Variants in KATNAL2 observed in about 807,000 individuals in gnomAD.
KATNAL2 encodes the protein katanin p60 ATPase-containing subunit A-like 2.
Under a neutral mutation model 76.3 loss-of-function variants are expected in KATNAL2, and 52 were observed. That is an observed-to-expected ratio of 0.68 (90% CI 0.55 to 0.86). The LOEUF (loss-of-function observed/expected upper bound fraction) is 0.86, where lower values mean the gene tolerates loss of function less well. KATNAL2 is among the 40% of genes least tolerant of loss of function. KATNAL2 has a pLI of 0.00. For synonymous variants in KATNAL2, 243 were observed against 244.2 expected (o/e 1.00, Z 0.05); for missense variants, 660 against 668.9 (o/e 0.99, Z 0.15).
intron 1 of KATNAL2, among the ~76,000 whole-genome samples, chr18:46,942,613 C>A (rs917388400): frequency 6.6e-6 from 1 of 151,182 alleles, no homozygotes; most frequent in African/African-American, 2.4e-5. Flanking sequence ...GAGCAAGACT[C>A]CATCTCAAAC....
intron 4 of KATNAL2, among the ~76,000 whole-genome samples, chr18:47,052,576 T>C (rs1171131879): frequency 1.3e-5 from 2 of 152,244 alleles, no homozygotes; most frequent in Admixed American, 6.5e-5. Flanking sequence ...AATCACAAGA[T>C]GTTTCTTGGT....
At position 46,923,784 on chromosome 18, in the gene KATNAL2, G is replaced by A. The variant is rs1599295327; in HGVS notation, c.-510+5858G>A. Among the ~76,000 whole-genome samples, 3 of 152,298 alleles carry A rather than the reference G, an allele frequency of 2.0e-5. No individual in the cohort carries two copies. The South Asian group carries it at 6.2e-4, about 32-fold the overall frequency. ...TCGACATTCTAACTGGTGGGAGATGGTATCTCATTGTGGTTTTGATTTGTA... is the reference window on the plus strand; with the variant it reads ...TCGACATTCTAACTGGTGGGAGATGATATCTCATTGTGGTTTTGATTTGTA... On this transcript the variant is annotated intron_variant, in intron 1 of 17. Coordinates refer to ENST00000683218, the MANE Select transcript of KATNAL2 (RefSeq NM_001387690.1).
intron 1 of KATNAL2, among the ~76,000 whole-genome samples, chr18:46,945,288 C>A (rs574647286): frequency 1.3e-5 from 2 of 152,292 alleles, no homozygotes; most frequent in African/African-American, 4.8e-5. Context: ...GTTGTGGAAT[C>A]AGGAACTAAT....
chr18:46,949,650 A>C (rs950313557), intron 3 of KATNAL2, among the ~76,000 whole-genome samples: 2 of 152,192 alleles, frequency 1.3e-5, no homozygotes, highest in African/African-American at 4.8e-5. Context: ...CGATTGCTCA[A>C]ATCGTAATTC....
Position 47,069,268 on chromosome 18 carries a change from C to T in KATNAL2, c.874C>T (p.Leu292=), listed in dbSNP as rs780523669. ...GILSPWKGLL[L]YGPPGTGKTL... is the part of the protein sequence containing the mutation. ...TCTTTCTCCCTGGAAAGGACTACTG[C>T]TGTACGGCCCTCCAGGTAAACACAG... is the stretch of plus-strand genomic sequence containing the variant. Residue 292 remains leucine (L), a synonymous_variant, in exon 12 of 18, where the codon CTG becomes TTG. Coordinates refer to ENST00000683218, the MANE Select transcript of KATNAL2 (RefSeq NM_001387690.1). The T allele has an allele frequency of 6.2e-7, 1 of 1,610,166 alleles. No individual in the cohort carries two copies. The highest frequency in any genetic ancestry group is 1.7e-5 in the Admixed American group (1 of 59,112).
chr18:47,034,345 C>T (rs369739936), intron 3 of KATNAL2: 53 of 1,613,470 alleles, frequency 3.3e-5, no homozygotes, highest in Non-Finnish European at 4.2e-5. Context: ...GTGCTGAGGC[C>T]TCTTCTGGTG....
At chr18:47,058,940 G>A (rs2061548967) in intron 7 of KATNAL2, among the ~76,000 whole-genome samples, 1 of 152,248 alleles carries the variant, frequency 6.6e-6, no homozygotes, top group East Asian at 1.9e-4. Flanking sequence ...CCTGACTCAG[G>A]AGGCTCATGT....
At chr18:47,054,820 C>T (rs1315402986) in intron 6 of KATNAL2, among the ~76,000 whole-genome samples, 1 of 152,072 alleles carries the variant, frequency 6.6e-6, no homozygotes, top group Non-Finnish European at 1.5e-5. Flanking sequence ...TAATATTTTC[C>T]CTCTTTTCAT....
chr18:46,926,594 A>G (rs1445458862), intron 1 of KATNAL2, among the ~76,000 whole-genome samples: 3 of 152,158 alleles, frequency 2.0e-5, no homozygotes, highest in Admixed American at 1.3e-4. Flanking sequence ...GTAGATGTCT[A>G]TTAGGTCCGC....
In KATNAL2 at chr18:47,101,099, A is replaced by G; in HGVS notation, c.*94A>G. 1 of 1,411,134 alleles carries G rather than the reference A, an allele frequency of 7.1e-7. No homozygotes were observed. 87.4% of individuals were successfully genotyped at this position (1,411,134 alleles called of 1,614,324 possible). Reference sequence around the variant, plus strand: ...GAGAACAAAATGATTGGAATGGAAAAGAGAAAATTATTTTTGAAGACTGGA... The same window carrying G: ...GAGAACAAAATGATTGGAATGGAAAGGAGAAAATTATTTTTGAAGACTGGA... On this transcript the variant is annotated 3_prime_UTR_variant, in exon 18 of 18. Transcript: ENST00000683218.
intron 3 of KATNAL2, among the ~76,000 whole-genome samples, chr18:46,960,052 G>T (rs530767167): frequency 6.6e-6 from 1 of 152,300 alleles, no homozygotes; most frequent in Non-Finnish European, 1.5e-5. Context: ...CTCTTTTCAA[G>T]CATTGGATTA....
At chr18:46,942,067 T>C (rs189722282) in intron 1 of KATNAL2, among the ~76,000 whole-genome samples, 39 of 152,248 alleles carry the variant, frequency 2.6e-4, no homozygotes, top group Admixed American at 8.5e-4. Flanking sequence ...GTAATCGGAA[T>C]GAGTCAAGGT....
intron 1 of KATNAL2, among the ~76,000 whole-genome samples, chr18:46,932,786 A>C (rs1282287328): frequency 6.6e-6 from 1 of 151,018 alleles, no homozygotes; most frequent in Non-Finnish European, 1.5e-5. Flanking sequence ...TTGTTTTGAG[A>C]CAGAGTCTTG....
rs150908737 is a variant in KATNAL2 at position 47,099,000 on chromosome 18, CTTCT to C, written c.1212-242_1212-239del. On this transcript the variant is annotated intron_variant, in intron 15 of 17. Transcript: ENST00000683218. ...CTTTTCTTCCATTCATCCTTCCTTCCTTCTCTTTCTTCTCCTTCCTTTCTGCTTT... is the reference window on the plus strand; with the variant it reads ...CTTTTCTTCCATTCATCCTTCCTTCCCTTTCTTCTCCTTCCTTTCTGCTTT... 1,929 of 367,806 alleles carry C rather than the reference CTTCT, an allele frequency of 5.2e-3. 9 individuals are homozygous for C. Among genetic ancestry groups the C allele is most frequent in the Non-Finnish European group, 6.3e-3 (1,285 of 205,294 alleles). 22.8% of individuals were successfully genotyped at this position (367,806 alleles called of 1,614,324 possible). A position where few individuals can be genotyped will look rare whatever the true frequency, so the allele number is the denominator to read the frequency against.
intron 1 of KATNAL2, among the ~76,000 whole-genome samples, chr18:46,932,956 T>C (rs1028318034): frequency 1.3e-5 from 2 of 151,930 alleles, no homozygotes; most frequent in Admixed American, 1.3e-4. Flanking sequence ...AGAGACAGGG[T>C]TTCACTATGT....
intron 1 of KATNAL2, among the ~76,000 whole-genome samples, chr18:46,918,371 T>A (rs916208408): frequency 1.3e-5 from 2 of 152,192 alleles, no homozygotes; most frequent in South Asian, 2.1e-4. Flanking sequence ...ATCAGCCTCC[T>A]ACCTACCGCC....
intron 3 of KATNAL2, among the ~76,000 whole-genome samples, chr18:47,041,419 C>G (rs922117506): frequency 6.6e-6 from 1 of 152,110 alleles, no homozygotes; most frequent in Non-Finnish European, 1.5e-5. Flanking sequence ...ATAGTTTTGC[C>G]TTTTCCAGAA....
At chr18:46,954,854 T>C (rs999810422) in intron 3 of KATNAL2, among the ~76,000 whole-genome samples, 11 of 152,070 alleles carry the variant, frequency 7.2e-5, no homozygotes, top group African/African-American at 2.4e-4. Flanking sequence ...GGTTTCAACA[T>C]GTTGACCAGG....
chr18:46,954,702 G>T (rs1221644085), intron 3 of KATNAL2, among the ~76,000 whole-genome samples: 1 of 151,856 alleles, frequency 6.6e-6, no homozygotes, highest in African/African-American at 2.4e-5. Flanking sequence ...GGAGTACAAT[G>T]GCGCAATTTC....
Sources: gnomAD v4.1 joint callset for allele counts (sites outside exome capture counted in the v4.1 genomes callset) on GRCh38, gnomAD v4.1.1 for gene constraint, MANE v1.5 for transcripts, NCBI Gene and HGNC (gene_info 2026-07-23, HGNC 2026-07-21) for gene names.